The following TMEM217 variants were observed in gnomAD, a reference collection of about 807,000 sequenced individuals.
TMEM217 encodes the protein chromosome 6 open reading frame 128.
For missense variants in TMEM217, 204 were observed against 248.8 expected (o/e 0.82, Z 1.21); for synonymous variants, 76 against 88.3 (o/e 0.86, Z 0.78).
exon 2 of TMEM217, chr6:37,218,061 TG>T (rs765699115): frequency 4.2e-5 from 42 of 1,000,668 alleles, no homozygotes; most frequent in Middle Eastern, 5.1e-4. Context: ...TAAGCAAAAG[TG>T]GGGGGAAAAA....
intron 1 of TMEM217, among the ~76,000 whole-genome samples, chr6:37,223,733 T>C (rs1483327817): frequency 6.6e-6 from 1 of 152,134 alleles, no homozygotes; most frequent in African/African-American, 2.4e-5. Context: ...GCTCTCAAAC[T>C]CCTGACCTCA....
chr6:37,253,747 T>A (rs1195979960), intron 1 of TMEM217, among the ~76,000 whole-genome samples: 4 of 152,184 alleles, frequency 2.6e-5, no homozygotes, highest in Admixed American at 1.3e-4. Context: ...GTCCAAAGGC[T>A]TTTTTCTCTA....
At chr6:37,213,026 A>C, downstream of TMEM217, 2 of 1,444,114 alleles carry the variant, frequency 1.4e-6, no homozygotes, top group Non-Finnish European at 1.9e-6. Context: ...CAGACACGTG[A>C]CAAGATGGCA....
At chr6:37,229,335 GTTTTTTT>G (rs372385535) in intron 1 of TMEM217, among the ~76,000 whole-genome samples, 7 of 74,368 alleles carry the variant, frequency 9.4e-5, no homozygotes, top group East Asian at 4.6e-4. Context: ...GCAACTTTCA[GTTTTTTT>G]TTTTTTTTTT....
chr6:37,215,286 G>C (rs780038730), downstream of TMEM217: 1 of 1,609,776 alleles, frequency 6.2e-7, no homozygotes, highest in Non-Finnish European at 8.5e-7. Flanking sequence ...GTGGAAGCTA[G>C]ACAAATAAAA....
chr6:37,231,226 A>ATTTTTT (rs35394043), intron 1 of TMEM217, among the ~76,000 whole-genome samples: 1 of 87,448 alleles, frequency 1.1e-5, no homozygotes, highest in Non-Finnish European at 2.2e-5. Context: ...TGCCTGGCTA[A>ATTTTTT]TTTTTTTTTT....
intron 1 of TMEM217, among the ~76,000 whole-genome samples, chr6:37,234,490 T>C (rs891857638): frequency 6.6e-6 from 1 of 152,184 alleles, no homozygotes; most frequent in African/African-American, 2.4e-5. Flanking sequence ...CCTGTGCTTA[T>C]GAAGTTGTAA....
intron 1 of TMEM217, among the ~76,000 whole-genome samples, chr6:37,230,771 T>G (rs1229241761): frequency 1.3e-5 from 2 of 152,212 alleles, no homozygotes; most frequent in East Asian, 3.8e-4. Context: ...GCCAAAATTC[T>G]GCTTAACACA....
chr6:37,246,220 T>C (rs2113905823), intron 1 of TMEM217, among the ~76,000 whole-genome samples: 1 of 152,334 alleles, frequency 6.6e-6, no homozygotes, highest in South Asian at 2.1e-4. Context: ...ACAACAATGA[T>C]GCAAAATTCA....
chr6:37,229,535 G>A (rs187642546), intron 1 of TMEM217, among the ~76,000 whole-genome samples: 240 of 151,828 alleles, frequency 1.6e-3, no homozygotes, highest in African/African-American at 5.5e-3. Context: ...GTAGAAACGG[G>A]GTTTCACCGT....
intron 1 of TMEM217, among the ~76,000 whole-genome samples, chr6:37,246,719 A>G (rs1435683874): frequency 6.6e-6 from 1 of 152,136 alleles, no homozygotes; most frequent in Non-Finnish European, 1.5e-5. Context: ...CCTGGGCAAC[A>G]TAGTGAGACC....
intron 1 of TMEM217, among the ~76,000 whole-genome samples, chr6:37,254,373 TG>T (rs1392737285): frequency 6.6e-5 from 10 of 152,216 alleles, no homozygotes; most frequent in Non-Finnish European, 1.5e-4. Flanking sequence ...CAAGGGTGGC[TG>T]CCATACCTAT....
intron 1 of TMEM217, among the ~76,000 whole-genome samples, chr6:37,252,143 T>C (rs537746520): frequency 3.2e-4 from 49 of 152,368 alleles, no homozygotes; most frequent in African/African-American, 1.0e-3. Context: ...TCCGCCTGCC[T>C]CGGCCTCCCA....
chr6:37,243,683 C>T (rs1764908411), intron 1 of TMEM217, among the ~76,000 whole-genome samples: 2 of 152,162 alleles, frequency 1.3e-5, no homozygotes, highest in South Asian at 4.1e-4. Flanking sequence ...ACTGCAACCT[C>T]CGCCTCCTGG....
downstream of TMEM217, chr6:37,215,361 G>T: frequency 6.7e-7 from 1 of 1,501,020 alleles, no homozygotes; most frequent in Non-Finnish European, 8.9e-7. Flanking sequence ...CGGATCACGA[G>T]GTCAGGAGTT....
intron 1 of TMEM217, among the ~76,000 whole-genome samples, chr6:37,240,140 C>T (rs1562018777): frequency 1.3e-5 from 2 of 152,162 alleles, no homozygotes; most frequent in Non-Finnish European, 2.9e-5. Flanking sequence ...TTGTATTAGT[C>T]ACTATTGCTC....
chr6:37,244,808 C>T (rs1405615645), intron 1 of TMEM217, among the ~76,000 whole-genome samples: 6 of 152,182 alleles, frequency 3.9e-5, no homozygotes, highest in East Asian at 1.9e-4. Context: ...CAGCTGGACT[C>T]GCTCAAGTGT....
At chr6:37,219,674 G>GTGAGCTGAGA (rs1728896750) in intron 1 of TMEM217, among the ~76,000 whole-genome samples, 1 of 152,094 alleles carries the variant, frequency 6.6e-6, no homozygotes, top group Non-Finnish European at 1.5e-5. Context: ...CAAGGCTGCA[G>GTGAGCTGAGA]TGAGCTGAGA....
At chr6:37,236,530 A>C (rs1764513761) in intron 1 of TMEM217, among the ~76,000 whole-genome samples, 1 of 152,088 alleles carries the variant, frequency 6.6e-6, no homozygotes, top group African/African-American at 2.4e-5. Context: ...CATTATAGGG[A>C]GGGTATCAAG....
Sources: gnomAD v4.1 joint callset for allele counts (sites outside exome capture counted in the v4.1 genomes callset) on GRCh38, gnomAD v4.1.1 for gene constraint, MANE v1.5 for transcripts, NCBI Gene and HGNC (gene_info 2026-07-23, HGNC 2026-07-21) for gene names.